Variants in RNF19B observed in about 807,000 individuals in gnomAD.
RNF19B encodes E3 ubiquitin-protein ligase RNF19B.
A neutral mutation model predicts 65.5 loss-of-function variants in RNF19B; 23 were observed. That is an observed-to-expected ratio of 0.35 (90% CI 0.25 to 0.50). The LOEUF is 0.50. Ranked by LOEUF, RNF19B falls within the 20% of genes least tolerant of loss-of-function variation. The pLI, the probability that RNF19B is intolerant of heterozygous loss-of-function variation, is 0.98. For synonymous variants in RNF19B, 372 were observed against 379.6 expected, an observed-to-expected ratio of 0.98 and a Z score of 0.23; for missense variants, 794 against 980.0, an observed-to-expected ratio of 0.81 and a Z score of 2.53.
At chr1:32,953,201 T>C (rs1642552503) in intron 1 of RNF19B, among the ~76,000 whole-genome samples, 2 of 151,942 alleles carry the variant, frequency 1.3e-5, no homozygotes, top group East Asian at 3.9e-4. Flanking sequence ...CTGGAACTTC[T>C]GTCTTCAAGC....
At chr1:32,938,140 C>CAAAAAAAAAAAAAAAAAAAAAA (rs80176999) in intron 8 of RNF19B, among the ~76,000 whole-genome samples, 1 of 46,038 alleles carries the variant, frequency 2.2e-5, no homozygotes, top group Non-Finnish European at 4.0e-5. Context: ...CCAAGAAAGA[C>CAAAAAAAAAAAAAAAAAAAAAA]AAAAAAAAAA....
At chr1:32,936,190 A>G (rs1370159200), downstream of RNF19B, among the ~76,000 whole-genome samples, 1 of 149,850 alleles carries the variant, frequency 6.7e-6, no homozygotes, top group Non-Finnish European at 1.5e-5. Context: ...AAACAAAGTT[A>G]GTTTTAATCT....
intron 4 of RNF19B, among the ~76,000 whole-genome samples, chr1:32,946,191 C>T (rs1216987867): frequency 6.6e-6 from 1 of 152,148 alleles, no homozygotes; most frequent in Non-Finnish European, 1.5e-5. Context: ...ACCTTTAAGT[C>T]ACTGAGACAA....
At chr1:32,955,074 CACTT>C (rs1301987037) in intron 1 of RNF19B, among the ~76,000 whole-genome samples, 1 of 152,126 alleles carries the variant, frequency 6.6e-6, no homozygotes, top group Non-Finnish European at 1.5e-5. Flanking sequence ...TATTTTATAA[CACTT>C]ACATTATAAT....
At chr1:32,959,255 G>A (rs1642714164) in intron 1 of RNF19B, among the ~76,000 whole-genome samples, 1 of 152,158 alleles carries the variant, frequency 6.6e-6, no homozygotes, top group Non-Finnish European at 1.5e-5. Flanking sequence ...TGGTGGACCT[G>A]CACAAAGAAT....
At position 32,964,431 on chromosome 1, in the gene RNF19B, G is replaced by A. The variant is rs1403684525; in HGVS notation, c.255C>T (p.Ala85=). The part of the protein sequence containing the change: ...PPPEALPAEP[A]AEAEAEAAAA... ...CCGCGGCCTCCGCCTCGGCCTCGGC[G>A]GCCGGCTCGGCGGGCAGCGCCTCGG... Residue 85 remains alanine (A), a synonymous_variant, in exon 1 of 9, where the codon GCC becomes GCT. Transcript: ENST00000235150. This position sits in a 1 kb window ranked among gnomAD's most constrained non-coding sequence, Gnocchi z 6.5. The A allele has an allele frequency of 2.6e-6, 3 of 1,167,342 alleles. No homozygotes were observed. The highest frequency in any genetic ancestry group is 7.7e-5 in the East Asian group (2 of 26,072). The allele number at this position is 1,167,342 out of a possible 1,614,324, so 72.3% of individuals were successfully genotyped here.
the RNF19B span, among the ~76,000 whole-genome samples, chr1:32,931,403 C>T: frequency 6.6e-6 from 1 of 152,078 alleles, no homozygotes; most frequent in African/African-American, 2.4e-5. Context: ...TTAGTATTCC[C>T]CTTTAAGACA....
rs74066428 is a variant in RNF19B at position 32,953,551 on chromosome 1, T to C, written c.636-3777A>G. On this transcript the variant is annotated intron_variant, in intron 1 of 8. Transcript: ENST00000235150. ...AATATAAATGACAATGTATCCCCTA[T>C]GTTATATAATACAGGCTGTATTAAA... 2.6e-5 allele frequency among the ~76,000 whole-genome samples: 4 copies of C among 152,220 alleles called. 1 individual carries two copies. The highest frequency in any genetic ancestry group is 2.4e-5 in the African/African-American group (1 of 41,564).
At chr1:32,936,245 G>C (rs1008933277), downstream of RNF19B, among the ~76,000 whole-genome samples, 12 of 152,322 alleles carry the variant, frequency 7.9e-5, no homozygotes, top group African/African-American at 2.9e-4. Flanking sequence ...TCTTCAGCCT[G>C]ACTACAAAGT....
intron 3 of RNF19B, among the ~76,000 whole-genome samples, chr1:32,947,010 G>A (rs1200832135): frequency 1.3e-5 from 2 of 152,160 alleles, no homozygotes; most frequent in Non-Finnish European, 2.9e-5. Flanking sequence ...CATGTTCGTG[G>A]GAGAGGATAT....
At chr1:32,933,291 G>A (rs1470103054), downstream of RNF19B, among the ~76,000 whole-genome samples, 2 of 150,068 alleles carry the variant, frequency 1.3e-5, no homozygotes, top group Non-Finnish European at 3.0e-5. Context: ...GTCTCGCTCT[G>A]TTGCCCAGGC....
At position 32,964,209 on chromosome 1, in the gene RNF19B, C is replaced by G. The variant is rs1642843195; in HGVS notation, c.477G>C (p.Val159=). ...CGCTGCACTCGGGGCAGCTGATGGG[C>G]ACCCTGCTCTCGCTTATCTCCAGGC... The part of the protein sequence containing the change: ...YLRLEISESR[V]PISCPECSER... Residue 159 remains valine, a synonymous_variant, in exon 1 of 9, where the codon GTG becomes GTC. Transcript: ENST00000235150. The surrounding 1 kb of genome is among the most constrained non-coding windows in gnomAD (Gnocchi z 6.5). 17 of 1,546,608 alleles carry G rather than the reference C, an allele frequency of 1.1e-5. No individual in the cohort carries two copies. The highest frequency in any genetic ancestry group is 1.7e-4 in the Middle Eastern group (1 of 5,982).
At chr1:32,939,816 A>G (rs1642190205) in intron 7 of RNF19B, among the ~76,000 whole-genome samples, 2 of 152,198 alleles carry the variant, frequency 1.3e-5, no homozygotes, top group South Asian at 4.1e-4. Context: ...CTTTCACAGA[A>G]CTAGAACAGC....
At chr1:32,948,198 G>A (rs1185842917) in intron 3 of RNF19B, 24 bp downstream of exon 3, 1 of 1,611,426 alleles carries the variant, frequency 6.2e-7, no homozygotes, top group African/African-American at 1.3e-5. Flanking sequence ...ACTACGAAAG[G>A]AATGGATGCA....
chr1:32,950,185 C>G (rs1642460967), intron 1 of RNF19B, among the ~76,000 whole-genome samples: 1 of 152,048 alleles, frequency 6.6e-6, no homozygotes. Flanking sequence ...GTTGGCCAGG[C>G]TGGTCTCAAA....
intron 1 of RNF19B, among the ~76,000 whole-genome samples, chr1:32,956,262 A>G (rs1002770175): frequency 2.6e-5 from 4 of 152,176 alleles, no homozygotes; most frequent in African/African-American, 9.7e-5. Context: ...AGCTACTCCC[A>G]GCTACTCGGG....
At chr1:32,962,143 A>G (rs1303715049) in intron 1 of RNF19B, among the ~76,000 whole-genome samples, 1 of 151,928 alleles carries the variant, frequency 6.6e-6, no homozygotes, top group African/African-American at 2.4e-5. Flanking sequence ...TAATTTTTCT[A>G]TTTTTAGCAG....
At chr1:32,931,800 T>C (rs1642032122), downstream of RNF19B, among the ~76,000 whole-genome samples, 1 of 152,250 alleles carries the variant, frequency 6.6e-6, no homozygotes, top group South Asian at 2.1e-4. Flanking sequence ...TCCCCATTTC[T>C]TACATGATGA....
Position 32,946,398 on chromosome 1 carries a change from T to G in RNF19B, c.1146+4A>C, listed in dbSNP as rs780690670. 1.2e-6 allele frequency: 2 copies of G among 1,613,424 alleles called. No homozygotes were observed. The highest frequency in any genetic ancestry group is 1.7e-6 in the Non-Finnish European group (2 of 1,179,662). On this transcript the variant is annotated splice_donor_region_variant and intron_variant, in intron 4 of 8. Transcript: ENST00000235150. ...AAGCACAGAAACCAGCATGTCTTTC[T>G]TACCTTCCTTCCAACATAAACAGGA... is the stretch of plus-strand genomic sequence containing the variant.
Sources: gnomAD v4.1 joint callset for allele counts (sites outside exome capture counted in the v4.1 genomes callset) on GRCh38, gnomAD v4.1.1 for gene constraint, Gnocchi (gnomAD v3.1) non-coding constraint, MANE v1.5 for transcripts, NCBI Gene and HGNC (gene_info 2026-07-23, HGNC 2026-07-21) for gene names.